Variants in SCRN1 observed in about 807,000 individuals in gnomAD.
SCRN1 encodes the protein secernin 1.
Under a neutral mutation model 43.3 loss-of-function variants are expected in SCRN1, and 19 were observed. The ratio of observed to expected loss-of-function variants is 0.44; its 90% CI spans 0.31 to 0.64. The LOEUF (loss-of-function observed/expected upper bound fraction) is 0.64, where lower values mean the gene tolerates loss of function less well. Among genes scored for constraint, SCRN1 ranks in the 30% least tolerant of loss-of-function variants. The pLI is 0.09. For missense variants in SCRN1, 447 were observed against 524.1 expected (o/e 0.85, Z 1.44); for synonymous variants, 183 against 188.9 (o/e 0.97, Z 0.26).
intron 6 of SCRN1, among the ~76,000 whole-genome samples, chr7:29,933,682 C>T (rs1418470852): frequency 6.6e-6 from 1 of 152,208 alleles, no homozygotes; most frequent in Non-Finnish European, 1.5e-5. Flanking sequence ...TTAGCATCTC[C>T]TTCCACTTCT....
At chr7:29,973,187 A>G (rs1234407769) in intron 1 of SCRN1, among the ~76,000 whole-genome samples, 2 of 152,258 alleles carry the variant, frequency 1.3e-5, no homozygotes, top group East Asian at 3.8e-4. Flanking sequence ...CTTAGATTAC[A>G]TAAGTTAAAG....
intron 6 of SCRN1, 79 bp from the exon 7 acceptor site, chr7:29,926,711 A>C (rs934626295): frequency 1.5e-6 from 2 of 1,369,320 alleles, no homozygotes; most frequent in Non-Finnish European, 2.0e-6. Context: ...TTTATTCAGC[A>C]AACATTTCCC....
chr7:29,989,500 G>A, intron 1 of SCRN1, 142 bp downstream of exon 1: 1 of 965,620 alleles, frequency 1.0e-6, no homozygotes. Flanking sequence ...GCCAGCACCG[G>A]GAATCGGCCT....
intron 2 of SCRN1, among the ~76,000 whole-genome samples, chr7:29,968,414 A>G (rs1475660085): frequency 2.0e-5 from 3 of 152,244 alleles, no homozygotes; most frequent in Non-Finnish European, 2.9e-5. Context: ...TAAAAAAATA[A>G]AAATGAAAAA....
At chr7:29,989,803 C>T (rs1480415887), upstream of SCRN1, 3 of 989,372 alleles carry the variant, frequency 3.0e-6, no homozygotes, top group East Asian at 1.1e-4. Context: ...CCCAGACTCC[C>T]GGCGCTGGGG....
chr7:29,924,220 T>C, intron 7 of SCRN1, 105 bp from the exon 8 acceptor site: 1 of 1,118,824 alleles, frequency 8.9e-7, no homozygotes, highest in Non-Finnish European at 1.3e-6. Flanking sequence ...CTCAAGGTCC[T>C]GTCCTCCCCA....
At chr7:29,960,400 T>C (rs527552079) in intron 2 of SCRN1, among the ~76,000 whole-genome samples, 40 of 150,288 alleles carry the variant, frequency 2.7e-4, no homozygotes, top group Non-Finnish European at 4.7e-4. Context: ...TAAGCTAATT[T>C]GAAAAAAAAA....
At chr7:29,944,613 T>C (rs143749535) in intron 3 of SCRN1, among the ~76,000 whole-genome samples, 47 of 144,110 alleles carry the variant, frequency 3.3e-4, no homozygotes, top group African/African-American at 1.2e-3. Context: ...CAGTGAGCCA[T>C]GATCATGCCA....
At chr7:29,927,735 G>C (rs908998581) in intron 6 of SCRN1, among the ~76,000 whole-genome samples, 1 of 152,204 alleles carries the variant, frequency 6.6e-6, no homozygotes, top group Non-Finnish European at 1.5e-5. Flanking sequence ...TGGGCTAGAG[G>C]TGAGCTAGGA....
rs775052891 is a variant in SCRN1 at position 29,940,808 on chromosome 7, T to C, written c.613A>G (p.Arg205Gly). The change falls in exon 5 of 8, where the codon AGG becomes GGG. Residue 205 changes from arginine to glycine, a missense_variant. Coordinates refer to ENST00000242059, the MANE Select transcript of SCRN1 (RefSeq NM_014766.5). The stretch of plus-strand genomic sequence containing the variant: ...CAACCTTGGCTCTGAGCGTAACTCC[T>C]GAGTTCCGGATGCTCTGCATCCATC... Reference protein sequence around the residue: ...TKMDAEHPELRSYAQSQGWWT... With the variant: ...TKMDAEHPELGSYAQSQGWWT... 2.5e-6 allele frequency: 4 copies of C among 1,606,586 alleles called. No individual in the cohort carries two copies. The Admixed American group carries it at 5.2e-5, about 21-fold the overall frequency.
rs6976421 is a variant in SCRN1, at chr7:29,922,970, G to A, written c.*987C>T. 0.29 allele frequency: 44,242 copies of A among 152,118 alleles called. 6,649 individuals carry two copies. The highest frequency in any genetic ancestry group is 0.32 in the Middle Eastern group (95 of 294). 9.4% of individuals were successfully genotyped at this position (152,118 alleles called of 1,614,324 possible). A position where few individuals can be genotyped will look rare whatever the true frequency, so the allele number is the denominator to read the frequency against. On this transcript the variant is annotated 3_prime_UTR_variant, in exon 8 of 8. Coordinates refer to ENST00000242059, the MANE Select transcript of SCRN1 (RefSeq NM_014766.5). ...TGCTGAGATAATGTAGTGACTGCTAGGATTCCAGATATTTAACTAGAATCT... is the reference window on the plus strand; with the variant it reads ...TGCTGAGATAATGTAGTGACTGCTAAGATTCCAGATATTTAACTAGAATCT...
intron 3 of SCRN1, among the ~76,000 whole-genome samples, chr7:29,954,665 T>C (rs1788070004): frequency 6.6e-6 from 1 of 152,194 alleles, no homozygotes; most frequent in African/African-American, 2.4e-5. Flanking sequence ...TGCTTTAGTA[T>C]GTATCTATAC....
chr7:29,987,212 C>T (rs1789188888), intron 1 of SCRN1, among the ~76,000 whole-genome samples: 1 of 152,218 alleles, frequency 6.6e-6, no homozygotes, highest in Non-Finnish European at 1.5e-5. Context: ...ACGTTTTCCA[C>T]ATCTTCACCA....
At chr7:29,955,580 C>T (rs189040566) in intron 2 of SCRN1, among the ~76,000 whole-genome samples, 6 of 152,338 alleles carry the variant, frequency 3.9e-5, no homozygotes, top group East Asian at 1.9e-4. Flanking sequence ...CTGGTGCTCA[C>T]GTAATAGGGC....
chr7:29,979,611 A>T (rs1788939142), intron 1 of SCRN1, among the ~76,000 whole-genome samples: 1 of 152,092 alleles, frequency 6.6e-6, no homozygotes, highest in African/African-American at 2.4e-5. Flanking sequence ...ACTCCTCCAT[A>T]CCCAGTGATT....
chr7:29,975,830 A>G (rs10263430), intron 1 of SCRN1, among the ~76,000 whole-genome samples: 42,524 of 152,174 alleles, frequency 0.28, 6,400 homozygotes, highest in African/African-American at 0.39. Flanking sequence ...TAGATGGGTA[A>G]GCTGACAAGC....
rs528195809 is a variant in SCRN1 at position 29,942,858 on chromosome 7, A to G, written c.544+1119T>C. 1.1e-3 allele frequency among the ~76,000 whole-genome samples: 160 copies of G among 152,288 alleles called. 1 individual carries two copies. The highest frequency in any genetic ancestry group is 3.8e-3 in the African/African-American group (156 of 41,570). ...GCCAGGAAGCCACAGTCTAGATTTC[A>G]CTGCCTCACTGGGGCAATTTTGTAT... On this transcript the variant is annotated intron_variant, in intron 4 of 7. Coordinates refer to ENST00000242059, the MANE Select transcript of SCRN1 (RefSeq NM_014766.5).
At chr7:29,934,010 TTGC>T (rs1787243580) in intron 6 of SCRN1, among the ~76,000 whole-genome samples, 1 of 152,194 alleles carries the variant, frequency 6.6e-6, no homozygotes. Context: ...ATTATGTTTC[TTGC>T]TGACAAAAGA....
chr7:29,958,526 C>A (rs1459863776), intron 2 of SCRN1, among the ~76,000 whole-genome samples: 1 of 152,066 alleles, frequency 6.6e-6, no homozygotes, highest in Non-Finnish European at 1.5e-5. Flanking sequence ...TACAAATATC[C>A]AAAAAGCACC....
Sources: gnomAD v4.1 joint callset for allele counts (sites outside exome capture counted in the v4.1 genomes callset) on GRCh38, gnomAD v4.1.1 for gene constraint, MANE v1.5 for transcripts, NCBI Gene and HGNC (gene_info 2026-07-23, HGNC 2026-07-21) for gene names.